The following CFTR variants were observed in gnomAD, a reference collection of about 807,000 sequenced individuals.
The protein encoded by CFTR is CF transmembrane conductance regulator.
Under a neutral mutation model 171.6 loss-of-function variants are expected in CFTR, and 181 were observed. The observed-to-expected ratio is 1.05, with a 90% CI of 0.93 to 1.19. The LOEUF (loss-of-function observed/expected upper bound fraction) is 1.19, where lower values mean the gene tolerates loss of function less well. Ranked by LOEUF, CFTR falls within the 50% of genes most tolerant of loss-of-function variation. The pLI is 0.00. For synonymous variants in CFTR, 583 were observed against 608.0 expected (o/e 0.96, Z 0.60); for missense variants, 1,968 against 1,734.7 (o/e 1.13, Z -2.39).
chr7:117,615,089 C>T (rs1251072563), intron 21 of CFTR, among the ~76,000 whole-genome samples: 2 of 152,106 alleles, frequency 1.3e-5, no homozygotes, highest in Admixed American at 6.6e-5. Context: ...CAAGAATTCT[C>T]ATAGCTATGT....
chr7:117,526,511 T>C (rs1456578127), intron 3 of CFTR, among the ~76,000 whole-genome samples: 3 of 10,678 alleles, frequency 2.8e-4, no homozygotes, highest in Admixed American at 1.7e-3. Flanking sequence ...ATAACTAAAA[T>C]CAGAGCAGAA....
At chr7:117,644,570 G>A in intron 23 of CFTR, among the ~76,000 whole-genome samples, 1 of 151,980 alleles carries the variant, frequency 6.6e-6, no homozygotes, top group East Asian at 1.9e-4. Context: ...TGTATCAATG[G>A]ATCATTTGTT....
intron 9 of CFTR, among the ~76,000 whole-genome samples, chr7:117,546,028 C>G (rs958128313): frequency 2.6e-5 from 4 of 151,870 alleles, no homozygotes; most frequent in African/African-American, 9.7e-5. Flanking sequence ...GAGTCTCACT[C>G]TGTCACCCAG....
chr7:117,548,555 A>G (rs1799204851), intron 9 of CFTR, 86 bp from the exon 10 acceptor site: 1 of 1,554,718 alleles, frequency 6.4e-7, no homozygotes, highest in African/African-American at 1.4e-5. Flanking sequence ...CTAATTGTAC[A>G]TAAAACAAGC....
At chr7:117,653,396 G>A (rs1015017949) in intron 24 of CFTR, among the ~76,000 whole-genome samples, 4 of 152,178 alleles carry the variant, frequency 2.6e-5, no homozygotes, top group African/African-American at 7.2e-5. Context: ...CAAGGTGCCA[G>A]CAGGTTTGCT....
At chr7:117,499,940 G>T (rs1330776941) in intron 1 of CFTR, among the ~76,000 whole-genome samples, 1 of 152,184 alleles carries the variant, frequency 6.6e-6, no homozygotes, top group Non-Finnish European at 1.5e-5. Flanking sequence ...AGGATAAGAT[G>T]AACTAGAGGT....
chr7:117,521,399 T>C (rs1170346678), intron 3 of CFTR, among the ~76,000 whole-genome samples: 2 of 152,076 alleles, frequency 1.3e-5, no homozygotes, highest in African/African-American at 4.8e-5. Context: ...ATCTAGACTT[T>C]TATAATTATG....
At chr7:117,567,653 G>A (rs1057037186) in intron 11 of CFTR, among the ~76,000 whole-genome samples, 1 of 152,134 alleles carries the variant, frequency 6.6e-6, no homozygotes, top group African/African-American at 2.4e-5. Context: ...ACAGGAGTTC[G>A]TATTTGTAAT....
intron 7 of CFTR, among the ~76,000 whole-genome samples, chr7:117,538,366 T>C (rs1798992321): frequency 6.6e-6 from 1 of 152,206 alleles, no homozygotes; most frequent in Non-Finnish European, 1.5e-5. Context: ...CAAACTGATA[T>C]ATTTTTATGA....
At chr7:117,590,269 A>G in intron 12 of CFTR, 84 bp from the exon 13 acceptor site, 3 of 1,501,706 alleles carry the variant, frequency 2.0e-6, no homozygotes. Flanking sequence ...TAATGCATGT[A>G]GTGAACTGTT....
chr7:117,504,443 T>TAAG, intron 2 of CFTR, 80 bp downstream of exon 2: 1 of 800,012 alleles, frequency 1.2e-6, no homozygotes, highest in Non-Finnish European at 2.1e-6. Context: ...AAACATATTA[T>TAAG]AAGTTTAATT....
chr7:117,521,416 A>T (rs2116657621), intron 3 of CFTR, among the ~76,000 whole-genome samples: 1 of 152,154 alleles, frequency 6.6e-6, no homozygotes, highest in East Asian at 1.9e-4. Flanking sequence ...TATGGCATTG[A>T]TTGTAACATT....
At chr7:117,646,193 A>G (rs1262792619) in intron 23 of CFTR, among the ~76,000 whole-genome samples, 1 of 152,184 alleles carries the variant, frequency 6.6e-6, no homozygotes, top group Non-Finnish European at 1.5e-5. Context: ...TGAGTTAATA[A>G]CTAGTACTCC....
rs945163795 is a variant in CFTR, at chr7:117,581,710, A to G, written c.1585-6029A>G. On this transcript the variant is annotated intron_variant, in intron 11 of 26. Transcript: ENST00000003084. The stretch of plus-strand genomic sequence containing the variant: ...GTCATTTTGCTCTTTGACTAATGTT[A>G]CTACTCATGTTTTGTATTTTGTTTA... 3.9e-5 allele frequency among the ~76,000 whole-genome samples: 6 copies of G among 152,234 alleles called. No homozygotes were observed. In the South Asian group the frequency reaches 1.2e-3, roughly 32 times the overall value.
chr7:117,549,011 C>CAT (rs1425532745), intron 10 of CFTR, among the ~76,000 whole-genome samples, 188 bp downstream of exon 10: 2 of 152,240 alleles, frequency 1.3e-5, no homozygotes, highest in Admixed American at 6.5e-5. Context: ...TTTATTTCCT[C>CAT]ATATTATTTT....
At chr7:117,600,531 T>C (rs778540299) in intron 15 of CFTR, among the ~76,000 whole-genome samples, 6 of 151,984 alleles carry the variant, frequency 3.9e-5, no homozygotes, top group Non-Finnish European at 8.8e-5. Flanking sequence ...TGATTAGAAA[T>C]CCCTGAGTGG....
chr7:117,612,503 G>C (rs1290752640), intron 20 of CFTR, among the ~76,000 whole-genome samples: 1 of 151,990 alleles, frequency 6.6e-6, no homozygotes, highest in Non-Finnish European at 1.5e-5. Context: ...AATCTATGTA[G>C]GTAAATTTGT....
rs73716217 is a variant in CFTR at position 117,667,463 on chromosome 7, T to C, written c.*355T>C. On this transcript the variant is annotated 3_prime_UTR_variant, in exon 27 of 27. Transcript: ENST00000003084. ...CCTAGTTGATCAGCTTATTGTCTAG[T>C]GAAACTCGTTAATTTGTAGTGTTGG... The C allele has an allele frequency of 1.2e-4, 42 of 348,504 alleles. No homozygotes were observed. Among genetic ancestry groups the C allele is most frequent in the African/African-American group, 7.4e-4 (35 of 46,982 alleles). The allele number at this position is 348,504 out of a possible 1,614,324, so 21.6% of individuals were successfully genotyped here. A position where few individuals can be genotyped will look rare whatever the true frequency, so the allele number is the denominator to read the frequency against.
At chr7:117,606,581 C>T (rs144455881) in intron 17 of CFTR, 93 bp from the exon 18 acceptor site, 354 of 769,266 alleles carry the variant, frequency 4.6e-4, no homozygotes, top group Non-Finnish European at 4.3e-4. Context: ...GTTCTGAATG[C>T]GTCTACTGTG....
Sources: gnomAD v4.1 joint callset for allele counts (sites outside exome capture counted in the v4.1 genomes callset) on GRCh38, gnomAD v4.1.1 for gene constraint, MANE v1.5 for transcripts, NCBI Gene and HGNC (gene_info 2026-07-23, HGNC 2026-07-21) for gene names.